The following MTHFD1L variants were observed in gnomAD, a reference collection of about 807,000 sequenced individuals.
MTHFD1L encodes the protein methylenetetrahydrofolate dehydrogenase (NADP+ dependent) 1 like.
MTHFD1L carries 81 observed loss-of-function variants against 119.5 expected under a neutral mutation model. The observed-to-expected ratio is 0.68, with a 90% CI of 0.57 to 0.82. The LOEUF is 0.82. MTHFD1L is among the 40% of genes least tolerant of loss of function. MTHFD1L has a pLI of 0.00. For missense variants in MTHFD1L, 1,125 were observed against 1,253.4 expected (o/e 0.90, Z 1.55); for synonymous variants, 430 against 475.2 (o/e 0.90, Z 1.24).
At chr6:151,031,969 A>G (rs192016379) in intron 24 of MTHFD1L, among the ~76,000 whole-genome samples, 315 of 152,288 alleles carry the variant, frequency 2.1e-3, no homozygotes, top group African/African-American at 7.2e-3. Context: ...ACTATCCTGC[A>G]CATGCTGAGT....
intron 7 of MTHFD1L, chr6:150,898,755 C>G (rs1373099699): frequency 1.3e-5 from 4 of 305,288 alleles, no homozygotes; most frequent in African/African-American, 4.6e-5. Flanking sequence ...CTGTTACCAC[C>G]CCCCATCTAC....
intron 26 of MTHFD1L, among the ~76,000 whole-genome samples, chr6:151,050,142 G>T (rs1283296503): frequency 6.6e-6 from 1 of 152,186 alleles, no homozygotes; most frequent in African/African-American, 2.4e-5. Flanking sequence ...CTCTTCATAT[G>T]TGTCCTTTGC....
intron 8 of MTHFD1L, among the ~76,000 whole-genome samples, chr6:150,914,393 T>G (rs1787493178): frequency 6.6e-6 from 1 of 152,230 alleles, no homozygotes; most frequent in African/African-American, 2.4e-5. Flanking sequence ...GTAGTAAACC[T>G]TAGCCTACTG....
At chr6:151,096,365 CAGTGGTTCA>C (rs1405353987) in intron 27 of MTHFD1L, among the ~76,000 whole-genome samples, 12 of 152,092 alleles carry the variant, frequency 7.9e-5, no homozygotes, top group African/African-American at 2.7e-4. Flanking sequence ...GGCTAGTGGG[CAGTGGTTCA>C]AAACCCATCG....
At chr6:151,013,888 G>C in intron 22 of MTHFD1L, 68 bp downstream of exon 22, 1 of 1,370,702 alleles carries the variant, frequency 7.3e-7, no homozygotes, top group Non-Finnish European at 1.0e-6. Context: ...GGCTTTCAGT[G>C]AATGAGCCCT....
rs576524414 is a variant in MTHFD1L at position 151,034,515 on chromosome 6, G to C, written c.2609G>C (p.Arg870Thr). 6.2e-7 allele frequency: 1 copy of C among 1,611,100 alleles called. No homozygotes were observed. The highest frequency in any genetic ancestry group is 1.3e-5 in the African/African-American group (1 of 74,822). The change falls in exon 25 of 28, where the codon AGG becomes ACG. Residue 870 changes from arginine (R) to threonine (T), a missense_variant. This residue lies in a region of MTHFD1L where 1,058 missense variants were observed against 1,151.2 expected (regional missense o/e 0.92). Transcript: ENST00000367321. The part of the protein sequence containing the change: ...DVQVPIVDKI[R>T]TIAQAVYGAK... ...CAGGTTCCAATTGTGGACAAGATAAGGACCATTGCTCAGGCTGTCTATGGA... is the reference window on the plus strand; with the variant it reads ...CAGGTTCCAATTGTGGACAAGATAACGACCATTGCTCAGGCTGTCTATGGA...
At chr6:150,866,129 TG>T in intron 1 of MTHFD1L, 80 bp downstream of exon 1, 1 of 1,437,018 alleles carries the variant, frequency 7.0e-7, no homozygotes, top group Non-Finnish European at 9.1e-7. Context: ...GGGACCGCCG[TG>T]GGGAGCGGGG....
In MTHFD1L at chr6:150,957,749, C is replaced by G. The variant is rs1167470546; in HGVS notation, c.1803+1678C>G. Among the ~76,000 whole-genome samples the G allele has an allele frequency of 6.6e-5, 10 of 152,224 alleles. No individual in the cohort carries two copies. The South Asian group carries it at 1.9e-3, about 28-fold the overall frequency. ...TACACCATTGGAAAGGTTGTAAAAA[C>G]CATTTTAAAACTTTGAAGTAAAATA... On this transcript the variant is annotated intron_variant, in intron 17 of 27. Coordinates refer to ENST00000367321, the MANE Select transcript of MTHFD1L (RefSeq NM_015440.5).
At chr6:150,940,564 G>C (rs946579415) in intron 13 of MTHFD1L, among the ~76,000 whole-genome samples, 6 of 145,626 alleles carry the variant, frequency 4.1e-5, no homozygotes, top group Non-Finnish European at 7.5e-5. Context: ...GCTTGGAGGA[G>C]AGAGCTACTT....
intron 8 of MTHFD1L, chr6:150,912,829 C>G (rs1268597667): frequency 3.1e-6 from 1 of 322,650 alleles, no homozygotes. Flanking sequence ...AGGATATTAC[C>G]CAGGCCCAGA....
intron 1 of MTHFD1L, chr6:150,866,774 G>C: frequency 1.1e-6 from 1 of 887,868 alleles, no homozygotes; most frequent in Non-Finnish European, 1.4e-6. Context: ...GAGCGAACTG[G>C]GAGCCCCGGG....
intron 26 of MTHFD1L, among the ~76,000 whole-genome samples, chr6:151,055,540 T>G (rs1789773750): frequency 6.6e-6 from 1 of 151,926 alleles, no homozygotes; most frequent in South Asian, 2.1e-4. Context: ...TTTTTTTTGT[T>G]TTTGGAGATG....
At chr6:150,937,085 G>A (rs1044955077) in intron 12 of MTHFD1L, 145 bp downstream of exon 12, 10 of 1,022,604 alleles carry the variant, frequency 9.8e-6, no homozygotes, top group Admixed American at 5.9e-5. Context: ...CATAGTGGTC[G>A]CCCCATGTTG....
intron 27 of MTHFD1L, among the ~76,000 whole-genome samples, chr6:151,093,412 A>T (rs201644828): frequency 2.5e-5 from 1 of 39,794 alleles, no homozygotes; most frequent in Non-Finnish European, 5.0e-5. Flanking sequence ...TCAGCCAAGC[A>T]CTTTGGGAGG....
At chr6:150,902,403 G>T (rs565135086) in intron 7 of MTHFD1L, among the ~76,000 whole-genome samples, 6 of 152,336 alleles carry the variant, frequency 3.9e-5, no homozygotes, top group African/African-American at 1.4e-4. Context: ...AGTCTCAGCA[G>T]AGAAAGCAAT....
chr6:151,030,936 C>G (rs946361763), intron 24 of MTHFD1L, among the ~76,000 whole-genome samples: 4 of 152,190 alleles, frequency 2.6e-5, no homozygotes, highest in Non-Finnish European at 4.4e-5. Context: ...ATCCCAGCAA[C>G]CTGGGAGGCC....
intron 26 of MTHFD1L, among the ~76,000 whole-genome samples, chr6:151,041,567 C>T (rs911684934): frequency 2.6e-5 from 4 of 152,176 alleles, no homozygotes; most frequent in African/African-American, 4.8e-5. Flanking sequence ...GATCAGAAAG[C>T]CTCCCATTCT....
At chr6:150,993,068 C>T (rs1331241226) in intron 20 of MTHFD1L, among the ~76,000 whole-genome samples, 2 of 152,144 alleles carry the variant, frequency 1.3e-5, no homozygotes, top group African/African-American at 4.8e-5. Flanking sequence ...ATCTGAGTAC[C>T]TTCTTTTGAT....
Position 150,915,803 on chromosome 6 carries a change from C to T in MTHFD1L, c.893-2774C>T, listed in dbSNP as rs9383853. Among the ~76,000 whole-genome samples the T allele has an allele frequency of 2.8e-3, 421 of 152,240 alleles. 7 individuals carry two copies. In the East Asian group the frequency reaches 0.047, roughly 17 times the overall value. On this transcript the variant is annotated intron_variant, in intron 8 of 27. Transcript: ENST00000367321. ...ATTTTTAGTAGAGACAGGGTTTCAC[C>T]TTGTTGGCCAGGCTGGTCTTGAACT...
Sources: gnomAD v4.1 joint callset for allele counts (sites outside exome capture counted in the v4.1 genomes callset) on GRCh38, gnomAD v4.1.1 for gene constraint, gnomAD v4.1.1 regional missense constraint, MANE v1.5 for transcripts, NCBI Gene and HGNC (gene_info 2026-07-23, HGNC 2026-07-21) for gene names.